The following ATP2B2 variants were observed in gnomAD, a reference collection of about 807,000 sequenced individuals.
The protein encoded by ATP2B2 is plasma membrane calcium-transporting ATPase 2.
Under a neutral mutation model 120.0 loss-of-function variants are expected in ATP2B2, and 15 were observed. The ratio of observed to expected loss-of-function variants is 0.12; its 90% CI spans 0.08 to 0.19. The LOEUF (loss-of-function observed/expected upper bound fraction) is 0.19, where lower values mean the gene tolerates loss of function less well. ATP2B2 is among the 10% of genes least tolerant of loss of function. The probability of loss-of-function intolerance (pLI) is 1.00; values close to 1 mark genes in which losing one functional copy is unlikely to be tolerated. For synonymous variants in ATP2B2, 694 were observed against 700.3 expected (o/e 0.99, Z 0.14); for missense variants, 1,045 against 1,719.8 (o/e 0.61, Z 6.94).
At chr3:10,535,521 T>G (rs930679340) in intron 2 of ATP2B2, among the ~76,000 whole-genome samples, 1 of 152,202 alleles carries the variant, frequency 6.6e-6, no homozygotes. Context: ...TACCCTGTTA[T>G]AGTCATGCCC....
chr3:10,401,171 G>C, intron 4 of ATP2B2, 93 bp from the exon 5 acceptor site: 1 of 1,528,500 alleles, frequency 6.5e-7, no homozygotes, highest in Non-Finnish European at 8.9e-7. Context: ...GGGAAGGTTT[G>C]CCATCAGGGA....
At chr3:10,693,222 A>C (rs969155604) in intron 1 of ATP2B2, among the ~76,000 whole-genome samples, 1 of 152,252 alleles carries the variant, frequency 6.6e-6, no homozygotes, top group African/African-American at 2.4e-5. Flanking sequence ...CAGTTGAAAG[A>C]AACAGTATCT....
intron 1 of ATP2B2, among the ~76,000 whole-genome samples, chr3:10,463,591 A>G (rs1199953082): frequency 6.6e-6 from 1 of 152,174 alleles, no homozygotes; most frequent in Non-Finnish European, 1.5e-5. Flanking sequence ...GGGTCACGTA[A>G]TTGTTGGATT....
intron 18 of ATP2B2, 46 bp downstream of exon 18, chr3:10,345,338 G>A (rs751831796): frequency 2.1e-5 from 34 of 1,607,836 alleles, no homozygotes; most frequent in Non-Finnish European, 2.8e-5. Flanking sequence ...TCTGTGGGGG[G>A]TCTCCGCCCT....
At chr3:10,351,507 G>A (rs914293483) in intron 14 of ATP2B2, among the ~76,000 whole-genome samples, 2 of 152,154 alleles carry the variant, frequency 1.3e-5, no homozygotes, top group Non-Finnish European at 2.9e-5. Flanking sequence ...TCAGTCTGAC[G>A]TTCCCTCCCT....
intron 15 of ATP2B2, 48 bp from the exon 16 acceptor site, chr3:10,350,247 A>AACTG (rs1444719293): frequency 6.3e-7 from 1 of 1,584,714 alleles, no homozygotes; most frequent in African/African-American, 1.3e-5. Flanking sequence ...CGGGGAGAGA[A>AACTG]ACTGAGGCCT....
intron 2 of ATP2B2, among the ~76,000 whole-genome samples, chr3:10,581,791 C>T (rs536073803): frequency 2.7e-4 from 41 of 152,334 alleles, no homozygotes; most frequent in African/African-American, 9.6e-4. Flanking sequence ...GCCTCAATTT[C>T]CTCATCTGTA....
At chr3:10,536,021 T>A (rs1158563556) in intron 2 of ATP2B2, among the ~76,000 whole-genome samples, 1 of 152,212 alleles carries the variant, frequency 6.6e-6, no homozygotes, top group Non-Finnish European at 1.5e-5. Flanking sequence ...TTTCTCTGCA[T>A]CTTCATCGAC....
intron 1 of ATP2B2, among the ~76,000 whole-genome samples, chr3:10,702,722 C>T (rs2071837296): frequency 6.6e-6 from 1 of 152,136 alleles, no homozygotes; most frequent in African/African-American, 2.4e-5. Flanking sequence ...AATAAGGAAC[C>T]GGGTCATTAC....
chr3:10,507,864 A>G (rs931831470), upstream of ATP2B2, among the ~76,000 whole-genome samples: 2 of 144,388 alleles, frequency 1.4e-5, no homozygotes, highest in Admixed American at 7.0e-5. Flanking sequence ...AGGTGGCACA[A>G]CCAGTAAAGA....
chr3:10,673,985 T>A (rs2071183883), intron 1 of ATP2B2, among the ~76,000 whole-genome samples: 1 of 150,338 alleles, frequency 6.7e-6, no homozygotes, highest in Non-Finnish European at 1.5e-5. Context: ...ATAAGAAAAG[T>A]GGTTTTATAA....
In ATP2B2 at chr3:10,376,916, T is replaced by C. The variant is rs113918779; in HGVS notation, c.1202-1272A>G. 4.5e-3 allele frequency among the ~76,000 whole-genome samples: 686 copies of C among 152,276 alleles called. 7 individuals are homozygous for C. The highest frequency in any genetic ancestry group is 0.016 in the African/African-American group (649 of 41,570). On this transcript the variant is annotated intron_variant, in intron 10 of 22. Transcript: ENST00000360273. ...GGATCGGGAGAGGCTGGGAGTTCTC[T>C]GGAAATCTCAGCTGCCCCCGGCTTC...
intron 1 of ATP2B2, among the ~76,000 whole-genome samples, chr3:10,688,598 C>T (rs1436423980): frequency 3.3e-5 from 5 of 152,154 alleles, no homozygotes; most frequent in African/African-American, 7.2e-5. Context: ...AGAAAGCCAC[C>T]GGAGAAAGAA....
chr3:10,595,765 C>T (rs895716481), intron 2 of ATP2B2, among the ~76,000 whole-genome samples: 7 of 152,206 alleles, frequency 4.6e-5, no homozygotes, highest in Admixed American at 3.3e-4. Flanking sequence ...TTTCAGGATT[C>T]AAACATCATT....
Position 10,449,603 on chromosome 3 carries a change from G to A in ATP2B2, c.-60C>T, listed in dbSNP as rs1318389580. 1.6e-5 allele frequency: 26 copies of A among 1,595,304 alleles called. No individual in the cohort carries two copies. The highest frequency in any genetic ancestry group is 6.7e-5 in the African/African-American group (5 of 74,552). On this transcript the variant is annotated 5_prime_UTR_variant, in exon 2 of 23. Coordinates refer to ENST00000360273, the MANE Select transcript of ATP2B2 (RefSeq NM_001001331.4). ...GGTCAGCGCTGGACAAGAGGCTGCC[G>A]GGTGATGGCTGCTTGTGGCTGTCCT...
At chr3:10,641,595 T>A (rs1325106902) in intron 1 of ATP2B2, among the ~76,000 whole-genome samples, 1 of 152,232 alleles carries the variant, frequency 6.6e-6, no homozygotes, top group African/African-American at 2.4e-5. Flanking sequence ...GATCTCGCCT[T>A]TAAGATGCCA....
At position 10,401,224 on chromosome 3, in the gene ATP2B2, C is replaced by A. The variant is rs956000936; in HGVS notation, c.656-146G>T. On this transcript the variant is annotated intron_variant, in intron 4 of 22. Transcript: ENST00000360273. ...CCAGGGTGTAGGAACCAAGATGGTGCCCATAGAAGGCCCATGTACAGCTCA... is the reference window on the plus strand; with the variant it reads ...CCAGGGTGTAGGAACCAAGATGGTGACCATAGAAGGCCCATGTACAGCTCA... 2.1e-5 allele frequency: 23 copies of A among 1,078,050 alleles called. No homozygotes were observed. The Admixed American group carries it at 4.8e-4, about 23-fold the overall frequency. 66.8% of individuals were successfully genotyped at this position (1,078,050 alleles called of 1,614,324 possible).
intron 2 of ATP2B2, among the ~76,000 whole-genome samples, chr3:10,553,886 T>C (rs1312705416): frequency 6.6e-6 from 1 of 151,900 alleles, no homozygotes; most frequent in Non-Finnish European, 1.5e-5. Context: ...TAGCACTCAA[T>C]AGGCATCCTT....
intron 3 of ATP2B2, among the ~76,000 whole-genome samples, chr3:10,524,991 C>T (rs1559439206): frequency 6.6e-6 from 1 of 152,248 alleles, no homozygotes; most frequent in Non-Finnish European, 1.5e-5. Context: ...GAGATACCTG[C>T]ATCGAGACTG....
Sources: allele counts gnomAD v4.1 joint callset (sites outside exome capture counted in the v4.1 genomes callset), GRCh38; gene constraint gnomAD v4.1.1; transcripts MANE v1.5; gene names NCBI Gene and HGNC (gene_info 2026-07-23, HGNC 2026-07-21).